Variants in DPH6 observed in about 807,000 individuals in gnomAD.
DPH6 encodes diphthine--ammonia ligase.
Under a neutral mutation model 38.2 loss-of-function variants are expected in DPH6, and 33 were observed. The observed-to-expected ratio is 0.86, with a 90% confidence interval of 0.65 to 1.15. The LOEUF (loss-of-function observed/expected upper bound fraction) is 1.15, where lower values mean the gene tolerates loss of function less well. DPH6 is among the 50% of genes most tolerant of loss of function. The pLI, the probability that DPH6 is intolerant of heterozygous loss-of-function variation, is 0.00. For missense variants in DPH6, 325 were observed against 320.0 expected, an observed-to-expected ratio of 1.02 and a Z score of -0.12; for synonymous variants, 108 against 103.0, an observed-to-expected ratio of 1.05 and a Z score of -0.30.
chr15:35,436,467 A>C (rs1342024459), intron 5 of DPH6, among the ~76,000 whole-genome samples: 2 of 132,366 alleles, frequency 1.5e-5, no homozygotes, highest in African/African-American at 6.5e-5. Flanking sequence ...CTCCGTCTCA[A>C]ACAAAACAAA....
chr15:35,501,890 C>A (rs567984885), intron 3 of DPH6, among the ~76,000 whole-genome samples: 1 of 152,104 alleles, frequency 6.6e-6, no homozygotes, highest in Non-Finnish European at 1.5e-5. Context: ...GAACTTAACT[C>A]ATCCAATTTA....
intron 3 of DPH6, among the ~76,000 whole-genome samples, chr15:35,333,317 C>G (rs2052341959): frequency 1.3e-5 from 2 of 151,684 alleles, no homozygotes; most frequent in African/African-American, 4.8e-5. Context: ...TGCAAAGGAG[C>G]AAAAGTATTA....
intron 3 of DPH6, among the ~76,000 whole-genome samples, chr15:35,339,033 G>C (rs2052399057): frequency 6.6e-6 from 1 of 152,086 alleles, no homozygotes; most frequent in African/African-American, 2.4e-5. Flanking sequence ...GGCCTGTTGT[G>C]GGGTGGGGGT....
intron 3 of DPH6, among the ~76,000 whole-genome samples, chr15:35,487,367 T>A (rs1457501541): frequency 6.6e-6 from 1 of 152,242 alleles, no homozygotes; most frequent in Non-Finnish European, 1.5e-5. Flanking sequence ...TGCCTGGACA[T>A]CGAGGCATTT....
At chr15:35,525,606 G>A (rs375870005) in intron 3 of DPH6, among the ~76,000 whole-genome samples, 12 of 152,196 alleles carry the variant, frequency 7.9e-5, no homozygotes, top group Middle Eastern at 6.8e-3. Context: ...TTAAACTTTT[G>A]AAAAGAACAT....
Position 35,372,016 on chromosome 15 carries a change from C to G in DPH6, c.*134G>C. 7.1e-7 allele frequency: 1 copy of G among 1,400,838 alleles called. No homozygotes were observed. The highest frequency in any genetic ancestry group is 9.3e-7 in the Non-Finnish European group (1 of 1,079,194). The allele number at this position is 1,400,838 out of a possible 1,614,324, so 86.8% of individuals were successfully genotyped here. On this transcript the variant is annotated 3_prime_UTR_variant, in exon 9 of 9. Transcript: ENST00000256538. ...TAATAAATGGTTCCACTAACCTCTT[C>G]TAGTGAAAGTATGTTTCTCTAAAAA...
intron 3 of DPH6, among the ~76,000 whole-genome samples, chr15:35,361,048 TCCTCCCATGTGC>T (rs2052609973): frequency 2.6e-5 from 4 of 152,122 alleles, no homozygotes; most frequent in Admixed American, 2.0e-4. Context: ...CCAACCTGAT[TCCTCCCATGTGC>T]CCTGACAAAT....
intron 5 of DPH6, among the ~76,000 whole-genome samples, chr15:35,412,067 A>T (rs751553715): frequency 7.9e-5 from 12 of 151,806 alleles, no homozygotes; most frequent in South Asian, 6.2e-4. Context: ...GAGTAAGAAT[A>T]AAAGCCACAG....
intron 3 of DPH6, among the ~76,000 whole-genome samples, chr15:35,301,410 A>G (rs1388702300): frequency 6.6e-6 from 1 of 152,260 alleles, no homozygotes. Context: ...AATACGAAGA[A>G]TAACATGAAA....
rs186650724 is a variant in DPH6 at position 35,302,307 on chromosome 15, A to G, written n.200+71214T>C. On this transcript the variant is annotated intron_variant and non_coding_transcript_variant, in intron 3 of 3. Coordinates refer to the DPH6 transcript ENST00000560386. ...ACTAGCAATCTCTTTTCTACTATCA[A>G]AAATGATCATTTGTTTCTTTATTGT... is the stretch of plus-strand genomic sequence containing the variant. Among the ~76,000 whole-genome samples the G allele has an allele frequency of 3.9e-5, 6 of 152,322 alleles. No homozygotes were observed. The East Asian group carries it at 7.7e-4, about 20-fold the overall frequency.
downstream of DPH6, among the ~76,000 whole-genome samples, chr15:35,326,521 T>C (rs1242174916): frequency 6.6e-6 from 1 of 152,062 alleles, no homozygotes. Context: ...AGCCTCAACC[T>C]CCTAGGTTCA....
chr15:35,542,721 T>C (rs1200236175), intron 1 of DPH6, among the ~76,000 whole-genome samples: 1 of 150,972 alleles, frequency 6.6e-6, no homozygotes, highest in Non-Finnish European at 1.5e-5. Context: ...AGAAACTATA[T>C]ATATATAAGA....
At chr15:35,207,037 GCT>G in the DPH6 span, among the ~76,000 whole-genome samples, 5 of 64,794 alleles carry the variant, frequency 7.7e-5, no homozygotes, top group Admixed American at 1.8e-4. Context: ...ATTTAGTAAA[GCT>G]TTTTTTTTTT....
intron 7 of DPH6, among the ~76,000 whole-genome samples, chr15:35,377,876 T>G (rs974110014): frequency 1.4e-5 from 2 of 140,268 alleles, no homozygotes; most frequent in African/African-American, 2.5e-5. Context: ...ATTCATATTG[T>G]TTTTTTTTTT....
At chr15:35,433,571 A>G (rs1437457277) in intron 5 of DPH6, among the ~76,000 whole-genome samples, 1 of 152,176 alleles carries the variant, frequency 6.6e-6, no homozygotes, top group Non-Finnish European at 1.5e-5. Context: ...CACAATTACT[A>G]AATTCTTCCA....
At chr15:35,170,464 G>GT in the DPH6 span, among the ~76,000 whole-genome samples, 1 of 152,084 alleles carries the variant, frequency 6.6e-6, no homozygotes, top group African/African-American at 2.4e-5. Flanking sequence ...TGACATTTTG[G>GT]TTTTTACTTA....
At chr15:35,221,178 G>A (rs971030136) in intron 3 of DPH6, among the ~76,000 whole-genome samples, 3 of 152,328 alleles carry the variant, frequency 2.0e-5, no homozygotes, top group South Asian at 2.1e-4. Flanking sequence ...TAGGGTAGGC[G>A]TTGGGCCCCC....
At chr15:35,179,204 C>CAAAAAAAA in the DPH6 span, among the ~76,000 whole-genome samples, 3 of 50,586 alleles carry the variant, frequency 5.9e-5, no homozygotes, top group South Asian at 8.4e-4. Context: ...ACAACTCTGT[C>CAAAAAAAA]AAAAAAAAAA....
chr15:35,400,163 T>C (rs1175566851), intron 6 of DPH6, among the ~76,000 whole-genome samples: 1 of 152,192 alleles, frequency 6.6e-6, no homozygotes, highest in African/African-American at 2.4e-5. Flanking sequence ...GCGCTGAATT[T>C]GTGATAAGTA....
Sources: allele counts gnomAD v4.1 joint callset (sites outside exome capture counted in the v4.1 genomes callset), GRCh38; gene constraint gnomAD v4.1.1; transcripts MANE v1.5; gene names NCBI Gene and HGNC (gene_info 2026-07-23, HGNC 2026-07-21).